Variants in ERBB4 observed in about 807,000 individuals in gnomAD.
ERBB4 encodes receptor tyrosine-protein kinase erbB-4.
In ERBB4, 42 loss-of-function variants were observed where a neutral mutation model predicts 158.0. The ratio of observed to expected loss-of-function variants is 0.27; its 90% CI spans 0.21 to 0.34. ERBB4 has a LOEUF of 0.34. Ranked by LOEUF, ERBB4 falls within the 10% of genes least tolerant of loss-of-function variation. ERBB4 has a pLI of 1.00. For missense variants in ERBB4, 1,333 were observed against 1,624.1 expected, an observed-to-expected ratio of 0.82 and a Z score of 3.08; for synonymous variants, 583 against 558.7, an observed-to-expected ratio of 1.04 and a Z score of -0.61.
chr2:211,385,817 C>A (rs975792108), intron 27 of ERBB4, among the ~76,000 whole-genome samples: 1 of 152,140 alleles, frequency 6.6e-6, no homozygotes, highest in African/African-American at 2.4e-5. Context: ...GAGTGAAAAT[C>A]TCCCCAGAAA....
chr2:211,615,011 G>A (rs2069333597), intron 19 of ERBB4, among the ~76,000 whole-genome samples: 1 of 151,978 alleles, frequency 6.6e-6, no homozygotes, highest in Non-Finnish European at 1.5e-5. Flanking sequence ...ATCTCACTGT[G>A]GTAAATCTGG....
At chr2:211,721,463 A>AAAAAAAAAAAAAAAAAAC (rs2074090153) in intron 7 of ERBB4, among the ~76,000 whole-genome samples, 1 of 149,174 alleles carries the variant, frequency 6.7e-6, no homozygotes, top group Non-Finnish European at 1.5e-5. Context: ...AAAAAAAAAA[A>AAAAAAAAAAAAAAAAAAC]AATAGAGTCA....
chr2:212,538,312 C>G, intron 1 of ERBB4, 137 bp downstream of exon 1: 2 of 778,330 alleles, frequency 2.6e-6, no homozygotes, highest in Non-Finnish European at 4.6e-6. Context: ...GAGGGGTGAC[C>G]GAAAGCCCAG....
rs1490467467 is a variant in ERBB4, at chr2:212,066,161, G to T, written c.234+58591C>A. 2.0e-5 allele frequency among the ~76,000 whole-genome samples: 3 copies of T among 151,828 alleles called. No individual in the cohort carries two copies. The East Asian group carries it at 5.8e-4, about 29-fold the overall frequency. ...TCGAAAGACTCTTACTCTGGGATGT[G>T]GAGCAACAGGAGTAAATTTAAAGTC... On this transcript the variant is annotated intron_variant, in intron 2 of 27. Coordinates refer to ENST00000342788, the MANE Select transcript of ERBB4 (RefSeq NM_005235.3).
intron 2 of ERBB4, among the ~76,000 whole-genome samples, chr2:212,059,073 G>T (rs1285485707): frequency 6.6e-6 from 1 of 152,144 alleles, no homozygotes; most frequent in Non-Finnish European, 1.5e-5. Flanking sequence ...TCCTTAAGCT[G>T]ATAAGCAACT....
intron 1 of ERBB4, among the ~76,000 whole-genome samples, chr2:212,333,693 C>CAA (rs11312810): frequency 1.4e-5 from 2 of 147,452 alleles, no homozygotes; most frequent in African/African-American, 5.1e-5. Flanking sequence ...GATTCTGTAC[C>CAA]AAAAAAAAAA....
chr2:212,177,237 T>C (rs1025265771), intron 1 of ERBB4, among the ~76,000 whole-genome samples: 6 of 151,684 alleles, frequency 4.0e-5, no homozygotes, highest in African/African-American at 9.7e-5. Flanking sequence ...AATTATACTA[T>C]ATATATATAA....
At chr2:211,871,754 C>G (rs1364029396) in intron 3 of ERBB4, among the ~76,000 whole-genome samples, 1 of 152,158 alleles carries the variant, frequency 6.6e-6, no homozygotes, top group African/African-American at 2.4e-5. Flanking sequence ...TTACAAATCA[C>G]TTTTAAACTC....
intron 3 of ERBB4, among the ~76,000 whole-genome samples, chr2:211,910,721 TAA>T (rs1333047227): frequency 6.6e-6 from 1 of 152,078 alleles, no homozygotes; most frequent in African/African-American, 2.4e-5. Flanking sequence ...CCCCTAAACT[TAA>T]AAGTTTTTAA....
In ERBB4 at chr2:211,926,304, T is replaced by C. The variant is rs369038206; in HGVS notation, c.421+21126A>G. Among the ~76,000 whole-genome samples, 17 of 152,326 alleles carry C rather than the reference T, an allele frequency of 1.1e-4. No homozygotes were observed. The East Asian group carries it at 2.3e-3, about 21-fold the overall frequency. ...GTCTCCACCACGCCTACTTTAAACA[T>C]CTGATTTGGCAAGAATTTACCCCAG... On this transcript the variant is annotated intron_variant, in intron 3 of 27. Transcript: ENST00000342788.
intron 16 of ERBB4, among the ~76,000 whole-genome samples, chr2:211,647,395 T>C (rs2105871787): frequency 6.6e-6 from 1 of 151,748 alleles, no homozygotes; most frequent in Non-Finnish European, 1.5e-5. Flanking sequence ...ATATCAACAC[T>C]TGGAGAAACT....
At chr2:212,468,267 G>C (rs1574976389) in intron 1 of ERBB4, among the ~76,000 whole-genome samples, 1 of 152,120 alleles carries the variant, frequency 6.6e-6, no homozygotes, top group African/African-American at 2.4e-5. Flanking sequence ...GAAATGTGAG[G>C]ACATGAGATT....
intron 1 of ERBB4, among the ~76,000 whole-genome samples, chr2:212,355,458 C>T (rs2106349944): frequency 1.3e-5 from 2 of 152,112 alleles, no homozygotes; most frequent in African/African-American, 4.8e-5. Flanking sequence ...TTTAAATAGT[C>T]ATTGTATGTT....
chr2:212,272,839 GATTTCATT>G (rs2085392961), intron 1 of ERBB4, among the ~76,000 whole-genome samples: 1 of 151,510 alleles, frequency 6.6e-6, no homozygotes, highest in South Asian at 2.1e-4. Context: ...ATTGAACTTA[GATTTCATT>G]ATTTATATTG....
chr2:211,876,948 C>T (rs1462364498), intron 3 of ERBB4, among the ~76,000 whole-genome samples: 11 of 152,184 alleles, frequency 7.2e-5, no homozygotes, highest in Admixed American at 1.3e-4. Flanking sequence ...TCATTGTTCC[C>T]GTTCAAATAC....
chr2:212,199,570 G>A (rs766660597), intron 1 of ERBB4, among the ~76,000 whole-genome samples: 26 of 152,116 alleles, frequency 1.7e-4, no homozygotes, highest in Non-Finnish European at 4.4e-5. Flanking sequence ...TAAGCTAATT[G>A]TCAGTATATC....
intron 1 of ERBB4, among the ~76,000 whole-genome samples, chr2:212,171,167 A>T (rs1053921852): frequency 2.0e-5 from 3 of 152,046 alleles, no homozygotes; most frequent in Non-Finnish European, 2.9e-5. Flanking sequence ...GGGTCAAAGG[A>T]GATTATTTAG....
At chr2:212,266,091 G>A (rs917362621) in intron 1 of ERBB4, among the ~76,000 whole-genome samples, 5 of 151,756 alleles carry the variant, frequency 3.3e-5, no homozygotes, top group East Asian at 1.9e-4. Flanking sequence ...TAGAGCCTCC[G>A]TCTCAATTGC....
intron 18 of ERBB4, among the ~76,000 whole-genome samples, chr2:211,620,250 C>A (rs1048864156): frequency 3.3e-5 from 5 of 151,966 alleles, no homozygotes; most frequent in African/African-American, 9.7e-5. Flanking sequence ...AGCTTCTTAG[C>A]CCTGACATCA....
Sources: gnomAD v4.1 joint callset for allele counts (sites outside exome capture counted in the v4.1 genomes callset) on GRCh38, gnomAD v4.1.1 for gene constraint, MANE v1.5 for transcripts, NCBI Gene and HGNC (gene_info 2026-07-23, HGNC 2026-07-21) for gene names.